The following KAZN variants were observed in gnomAD, a reference collection of about 807,000 sequenced individuals.
The protein encoded by KAZN is kazrin.
In KAZN, 40 loss-of-function variants were observed where a neutral mutation model predicts 87.4. That is an observed-to-expected ratio of 0.46 (90% CI 0.36 to 0.60). The LOEUF is 0.60. Among genes scored for constraint, KAZN ranks in the 20% least tolerant of loss-of-function variants. The pLI, the probability that KAZN is intolerant of heterozygous loss-of-function variation, is 0.00. For synonymous variants in KAZN, 466 were observed against 458.3 expected (o/e 1.02, Z -0.22); for missense variants, 898 against 1,073.9 (o/e 0.84, Z 2.29).
chr1:14,064,142 T>A (rs1053835437), intron 1 of KAZN, among the ~76,000 whole-genome samples: 5 of 152,176 alleles, frequency 3.3e-5, no homozygotes, highest in African/African-American at 7.2e-5. Flanking sequence ...GGTCTTGAAC[T>A]CCTGACCTCA....
chr1:14,728,287 TATAAAAAA>T (rs1417536736), intron 1 of KAZN, among the ~76,000 whole-genome samples: 37 of 70,426 alleles, frequency 5.3e-4, no homozygotes, highest in African/African-American at 1.7e-3. Flanking sequence ...ACACCGTATA[TATAAAAAA>T]AAAAAAAAAA....
intron 8 of KAZN, among the ~76,000 whole-genome samples, chr1:15,089,918 C>A (rs527606135): frequency 5.3e-5 from 8 of 152,198 alleles, no homozygotes; most frequent in Admixed American, 5.2e-4. Context: ...GAAGGAATTT[C>A]TTGGGGGCTA....
At chr1:14,670,209 T>A (rs936641313) in intron 1 of KAZN, among the ~76,000 whole-genome samples, 1 of 151,258 alleles carries the variant, frequency 6.6e-6, no homozygotes, top group Admixed American at 6.6e-5. Context: ...TAAGTTTCTC[T>A]CCCCACAAGA....
intron 2 of KAZN, among the ~76,000 whole-genome samples, chr1:14,345,427 A>G (rs1293661758): frequency 6.6e-6 from 1 of 152,244 alleles, no homozygotes; most frequent in Non-Finnish European, 1.5e-5. Flanking sequence ...TAGCCACATC[A>G]AAAAGGAAAA....
chr1:14,123,074 A>T (rs1299668378), intron 1 of KAZN, among the ~76,000 whole-genome samples: 1 of 152,202 alleles, frequency 6.6e-6, no homozygotes, highest in Non-Finnish European at 1.5e-5. Flanking sequence ...TAATAGATCA[A>T]ACCAGGTGTT....
intron 1 of KAZN, among the ~76,000 whole-genome samples, chr1:14,727,950 C>A (rs1248781405): frequency 6.6e-6 from 1 of 151,954 alleles, no homozygotes; most frequent in African/African-American, 2.4e-5. Context: ...CAATTTAGAT[C>A]CCTCATATGC....
intron 1 of KAZN, among the ~76,000 whole-genome samples, chr1:14,104,432 G>T (rs989563806): frequency 9.2e-5 from 14 of 152,104 alleles, no homozygotes; most frequent in African/African-American, 3.4e-4. Context: ...AAGGTTTCCT[G>T]CCATCTTGTT....
chr1:14,359,057 A>C (rs933671769), intron 2 of KAZN, among the ~76,000 whole-genome samples: 14 of 152,230 alleles, frequency 9.2e-5, no homozygotes, highest in African/African-American at 3.1e-4. Flanking sequence ...GTGGGAGTCT[A>C]AGTCTCTTTG....
rs66777443 is a variant in KAZN, at chr1:14,940,898, C to CTTTTTTTTTTTTTTT, written c.227-19769_227-19755dup. On this transcript the variant is annotated intron_variant, in intron 1 of 14. Transcript: ENST00000376030. ...ACCAGACAGATGTCATTCTACCTTT[C>CTTTTTTTTTTTTTTT]TTTTTTTTTTTTTTTTTTTTTTTTT... Among the ~76,000 whole-genome samples the CTTTTTTTTTTTTTTT allele has an allele frequency of 3.1e-4, 17 of 54,404 alleles. 1 individual carries two copies. The highest frequency in any genetic ancestry group is 1.2e-3 in the African/African-American group (14 of 12,018). 35.7% of individuals were successfully genotyped at this position (54,404 alleles called of 152,430 possible). A position where few individuals can be genotyped will look rare whatever the true frequency, so the allele number is the denominator to read the frequency against.
intron 1 of KAZN, among the ~76,000 whole-genome samples, chr1:14,605,772 A>C (rs1276523501): frequency 6.6e-6 from 1 of 152,154 alleles, no homozygotes; most frequent in African/African-American, 2.4e-5. Context: ...GCACAATTCA[A>C]ACCTATGTTC....
chr1:13,945,881 A>G (rs1024860549), intron 1 of KAZN, among the ~76,000 whole-genome samples: 1 of 152,114 alleles, frequency 6.6e-6, no homozygotes, highest in Admixed American at 6.5e-5. Context: ...AGAACATCCG[A>G]GATGGCTCCT....
chr1:14,801,584 C>T (rs1196257504), intron 1 of KAZN, among the ~76,000 whole-genome samples: 1 of 152,166 alleles, frequency 6.6e-6, no homozygotes, highest in African/African-American at 2.4e-5. Context: ...TGGGCTTCCT[C>T]AGGAGGGCTA....
chr1:14,612,545 G>A (rs765480831), intron 1 of KAZN, among the ~76,000 whole-genome samples: 1 of 152,222 alleles, frequency 6.6e-6, no homozygotes, highest in Admixed American at 6.5e-5. Context: ...TGTAGGTACT[G>A]TGGGACATTC....
intron 1 of KAZN, among the ~76,000 whole-genome samples, chr1:14,766,166 T>TA (rs1385604704): frequency 6.6e-6 from 1 of 152,138 alleles, no homozygotes; most frequent in African/African-American, 2.4e-5. Context: ...GCCAGTCCTG[T>TA]GGGAGCTCCA....
At chr1:14,683,743 C>T (rs1177911119) in intron 1 of KAZN, among the ~76,000 whole-genome samples, 1 of 152,206 alleles carries the variant, frequency 6.6e-6, no homozygotes, top group Admixed American at 6.5e-5. Context: ...AAGCATAGTG[C>T]ACATCCTGTA....
intron 1 of KAZN, among the ~76,000 whole-genome samples, chr1:14,070,073 G>A (rs1452489369): frequency 1.3e-5 from 2 of 149,346 alleles, no homozygotes; most frequent in Non-Finnish European, 3.0e-5. Flanking sequence ...GGAGGCTAAG[G>A]CAGGAGAATC....
In KAZN at chr1:14,820,997, G is replaced by A. The variant is rs1293305734; in HGVS notation, c.227-139687G>A. On this transcript the variant is annotated intron_variant, in intron 1 of 14. Coordinates refer to ENST00000376030, the MANE Select transcript of KAZN (RefSeq NM_201628.3). The surrounding 1 kb of genome is among the most constrained non-coding windows in gnomAD (Gnocchi z 4.1). ...TGATGGATTGTCGGGAGAAACGGGA[G>A]CGTGTGAGGAATTGAAAAGGAGGCA... Among the ~76,000 whole-genome samples, 1 of 152,168 alleles carries A rather than the reference G, an allele frequency of 6.6e-6. No homozygotes were observed. The highest frequency in any genetic ancestry group is 1.5e-5 in the Non-Finnish European group (1 of 68,034).
chr1:14,133,377 A>AAAAGGAAGAAAG (rs1645035122), intron 1 of KAZN, among the ~76,000 whole-genome samples: 5 of 72,098 alleles, frequency 6.9e-5, no homozygotes, highest in African/African-American at 3.7e-4. Context: ...AAAAAAAAAA[A>AAAAGGAAGAAAG]AAAGAAAGAA....
intron 2 of KAZN, among the ~76,000 whole-genome samples, chr1:14,459,570 G>C (rs1021309205): frequency 5.3e-5 from 8 of 152,132 alleles, no homozygotes; most frequent in Admixed American, 2.0e-4. Context: ...TCTGAGGCTG[G>C]GTTCCAGCCT....
Sources: allele counts gnomAD v4.1 joint callset (sites outside exome capture counted in the v4.1 genomes callset), GRCh38; gene constraint gnomAD v4.1.1; non-coding constraint Gnocchi (gnomAD v3.1); transcripts MANE v1.5; gene names NCBI Gene and HGNC (gene_info 2026-07-23, HGNC 2026-07-21).